DNAH17: variants seen among roughly 807,000 people sequenced by gnomAD.
The protein encoded by DNAH17 is dynein axonemal heavy chain 17.
A neutral mutation model predicts 485.6 loss-of-function variants in DNAH17; 376 were observed. The observed-to-expected ratio is 0.77, with a 90% CI of 0.71 to 0.84. The LOEUF is 0.84. Among genes scored for constraint, DNAH17 ranks in the 40% least tolerant of loss-of-function variants. DNAH17 has a pLI of 0.00. For synonymous variants in DNAH17, 3,031 were observed against 2,405.9 expected, an observed-to-expected ratio of 1.26 and a Z score of -7.60; for missense variants, 6,370 against 5,839.3, an observed-to-expected ratio of 1.09 and a Z score of -2.96.
intron 44 of DNAH17, among the ~76,000 whole-genome samples, chr17:78,488,170 C>G (rs1368445585): frequency 1.3e-5 from 2 of 152,192 alleles, no homozygotes; most frequent in Non-Finnish European, 2.9e-5. Flanking sequence ...TGTGTGCTGT[C>G]TCTGATATGC....
At position 78,552,939 on chromosome 17, in the gene DNAH17, T is replaced by C. The variant is rs904585743; in HGVS notation, c.2179-134A>G. 3.3e-5 allele frequency: 22 copies of C among 669,036 alleles called. No individual in the cohort carries two copies. The East Asian group carries it at 5.4e-4, about 16-fold the overall frequency. The allele number at this position is 669,036 out of a possible 1,614,324, so 41.4% of individuals were successfully genotyped here. ...GTCCCCACTCAGGTCTCATGTTGAA[T>C]TGTAATCCCCAGTGTTGGAGGTGGG... On this transcript the variant is annotated intron_variant, in intron 14 of 80. Coordinates refer to ENST00000389840, the MANE Select transcript of DNAH17 (RefSeq NM_173628.4).
chr17:78,522,434 A>G (rs2090956936), intron 25 of DNAH17: 1 of 297,728 alleles, frequency 3.4e-6, no homozygotes, highest in Non-Finnish European at 6.8e-6. Flanking sequence ...TCAGGGAACA[A>G]TCTTCTGGAA....
chr17:78,431,691 G>T (rs894821753), intron 75 of DNAH17, among the ~76,000 whole-genome samples: 2 of 152,086 alleles, frequency 1.3e-5, no homozygotes, highest in African/African-American at 4.8e-5. Flanking sequence ...TATGGGAGCC[G>T]GTGGGGAGTC....
chr17:78,455,974 C>G (rs1443686237), intron 62 of DNAH17, 138 bp from the exon 63 acceptor site: 4 of 727,554 alleles, frequency 5.5e-6, no homozygotes, highest in Non-Finnish European at 8.3e-6. Flanking sequence ...GATGAAAATG[C>G]TTTTGGGAGG....
chr17:78,468,682 C>T lies in DNAH17; in HGVS notation c.8713G>A (p.Gly2905Ser). 6.2e-7 allele frequency: 1 copy of T among 1,614,046 alleles called. No individual in the cohort carries two copies. Among genetic ancestry groups the T allele is most frequent in the Non-Finnish European group, 8.5e-7 (1 of 1,179,906 alleles). The change falls in exon 55 of 81, where the codon GGC becomes AGC. Residue 2905 changes from glycine (G) to serine (S), a missense_variant. By Grantham distance (56) the Gly-to-Ser change is moderately conservative. Coordinates refer to ENST00000389840, the MANE Select transcript of DNAH17 (RefSeq NM_173628.4). ...CATGTTTCCCGAGTGTCATTCATGC[C>T]AAGGGACTTGACTTGGGGTCGCATG... ...SSMRPQVKSL[G>S]MNDTRETCWK...
At chr17:78,557,460 A>T (rs557070309) in intron 14 of DNAH17, among the ~76,000 whole-genome samples, 2 of 151,918 alleles carry the variant, frequency 1.3e-5, no homozygotes, top group African/African-American at 4.8e-5. Flanking sequence ...TCTACTAAAA[A>T]TACAAAAATT....
chr17:78,455,875 A>G (rs760967225), intron 62 of DNAH17, 39 bp from the exon 63 acceptor site: 3 of 1,515,484 alleles, frequency 2.0e-6, no homozygotes, highest in Admixed American at 2.0e-5. Flanking sequence ...TATTTGCACA[A>G]GTGAGGGGAC....
rs756202853 is a variant in DNAH17 at position 78,558,210 on chromosome 17, T to C, written c.2076A>G (p.Gln692=). The C allele has an allele frequency of 6.2e-7, 1 of 1,613,828 alleles. No homozygotes were observed. The highest frequency in any genetic ancestry group is 8.5e-7 in the Non-Finnish European group (1 of 1,179,816). ...CCGCACTGTCTGGAATCTCTTTCTG[T>C]TGCTGGAAATTCAAATACTTGACTT... ...LREVKYLNFQ[Q]QKEIPDSAES... Residue 692 remains glutamine, a synonymous_variant, in exon 14 of 81, where the codon CAA becomes CAG. Coordinates refer to ENST00000389840, the MANE Select transcript of DNAH17 (RefSeq NM_173628.4).
At chr17:78,565,113 A>G (rs2092240828) in intron 11 of DNAH17, among the ~76,000 whole-genome samples, 1 of 152,248 alleles carries the variant, frequency 6.6e-6, no homozygotes, top group East Asian at 1.9e-4. Flanking sequence ...TTTTCTATCC[A>G]TGGACTCCCA....
At chr17:78,472,033 A>G (rs1055764586) in intron 54 of DNAH17, among the ~76,000 whole-genome samples, 2 of 152,182 alleles carry the variant, frequency 1.3e-5, no homozygotes, top group East Asian at 3.9e-4. Context: ...CGTCCCTATC[A>G]TCACTGTCAG....
At chr17:78,496,281 G>T (rs968787606) in intron 37 of DNAH17, among the ~76,000 whole-genome samples, 4 of 152,114 alleles carry the variant, frequency 2.6e-5, no homozygotes, top group African/African-American at 9.7e-5. Context: ...GGAGGCTGAG[G>T]CTGGAGGATG....
At position 78,506,865 on chromosome 17, in the gene DNAH17, G is replaced by A. The variant is rs1427917901; in HGVS notation, c.4677-19C>T. 1.2e-6 allele frequency: 2 copies of A among 1,613,716 alleles called. No individual in the cohort carries two copies. The highest frequency in any genetic ancestry group is 1.7e-6 in the Non-Finnish European group (2 of 1,179,846). On this transcript the variant is annotated intron_variant, in intron 29 of 80. Transcript: ENST00000389840. ...GGCCAAGCTGGGAGGAAGGAAGGAA[G>A]TAGAGGAGGCCGGTGACCCTACTCT...
chr17:78,461,138 G>A (rs541915234), intron 58 of DNAH17, among the ~76,000 whole-genome samples: 2 of 151,948 alleles, frequency 1.3e-5, no homozygotes, highest in Admixed American at 6.6e-5. Context: ...GCCCGGAGCC[G>A]CACGTCTGAG....
Position 78,502,819 on chromosome 17 carries a change from T to C in DNAH17, c.5082+67A>G, listed in dbSNP as rs2090346328. The C allele has an allele frequency of 3.8e-6, 6 of 1,593,494 alleles. No homozygotes were observed. In the South Asian group the frequency reaches 6.7e-5, roughly 18 times the overall value. ...GGACCACAGTTAACAGCGGAGCCCA[T>C]GAACGCAAAGAAACTCGCCCCTTAT... On this transcript the variant is annotated intron_variant, in intron 32 of 80. Transcript: ENST00000389840.
chr17:78,567,243 C>T, intron 9 of DNAH17, 77 bp from the exon 10 acceptor site: 5 of 1,502,512 alleles, frequency 3.3e-6, no homozygotes, highest in Non-Finnish European at 4.5e-6. Flanking sequence ...TAGCTCTGAC[C>T]CCAGGCAGGA....
chr17:78,562,059 A>C, intron 11 of DNAH17, 79 bp from the exon 12 acceptor site: 2 of 1,477,544 alleles, frequency 1.4e-6, no homozygotes, highest in Non-Finnish European at 1.8e-6. Flanking sequence ...CAAAACGGGC[A>C]GGGCCAATCT....
chr17:78,456,486 A>G (rs529595627), intron 62 of DNAH17, among the ~76,000 whole-genome samples: 1 of 152,072 alleles, frequency 6.6e-6, no homozygotes, highest in African/African-American at 2.4e-5. Flanking sequence ...ACCACAGAGC[A>G]CTGTCTCGAC....
At chr17:78,560,039 C>T (rs771954396) in intron 13 of DNAH17, among the ~76,000 whole-genome samples, 7 of 152,108 alleles carry the variant, frequency 4.6e-5, no homozygotes, top group Non-Finnish European at 8.8e-5. Flanking sequence ...CTTCCTTCCG[C>T]GGAACCTGTT....
chr17:78,552,394 T>C (rs556420815), intron 15 of DNAH17, among the ~76,000 whole-genome samples: 3 of 152,220 alleles, frequency 2.0e-5, no homozygotes, highest in Non-Finnish European at 4.4e-5. Context: ...CTGTGCATGC[T>C]TGATAAACCA....
Sources: allele counts gnomAD v4.1 joint callset (sites outside exome capture counted in the v4.1 genomes callset), GRCh38; gene constraint gnomAD v4.1.1; transcripts MANE v1.5; gene names NCBI Gene and HGNC (gene_info 2026-07-23, HGNC 2026-07-21).